Variants in STXBP4 observed in about 807,000 individuals in gnomAD.
STXBP4 encodes the protein syntaxin binding protein 4, also known as syntaxin-binding protein 4.
A neutral mutation model predicts 76.1 loss-of-function variants in STXBP4; 55 were observed. The ratio of observed to expected loss-of-function variants is 0.72; its 90% CI spans 0.58 to 0.91. The LOEUF (loss-of-function observed/expected upper bound fraction) is 0.91. Ranked by LOEUF, STXBP4 falls within the 40% of genes least tolerant of loss-of-function variation. STXBP4 has a pLI of 0.00. For synonymous variants in STXBP4, 201 were observed against 220.2 expected (o/e 0.91, Z 0.77); for missense variants, 618 against 636.9 (o/e 0.97, Z 0.32).
intron 8 of STXBP4, among the ~76,000 whole-genome samples, chr17:55,019,550 A>G (rs536452165): frequency 7.6e-4 from 115 of 152,278 alleles, no homozygotes; most frequent in African/African-American, 2.6e-3. Context: ...TTAGCTTTAT[A>G]AATTATGAAT....
rs540382766 is a variant in STXBP4, at chr17:54,992,535, T to C, written c.180+1578T>C. On this transcript the variant is annotated intron_variant, in intron 4 of 17. Transcript: ENST00000376352. Reference sequence around the variant, plus strand: ...AAACAAATTCAAAAAAACAAAAAAATGAATTTTTTCTTCCAAGAATTGAGG... The same window carrying C: ...AAACAAATTCAAAAAAACAAAAAAACGAATTTTTTCTTCCAAGAATTGAGG... Among the ~76,000 whole-genome samples, 19 of 151,590 alleles carry C rather than the reference T, an allele frequency of 1.3e-4. No homozygotes were observed. In the South Asian group the frequency reaches 3.8e-3, roughly 30 times the overall value.
intron 16 of STXBP4, among the ~76,000 whole-genome samples, chr17:55,103,918 GCTCT>G (rs1346189042): frequency 2.0e-5 from 3 of 152,084 alleles, no homozygotes; most frequent in South Asian, 4.1e-4. Context: ...TTACGTTGCA[GCTCT>G]CTGTTTGTCT....
the STXBP4 span, among the ~76,000 whole-genome samples, chr17:55,197,613 T>C: frequency 6.6e-6 from 1 of 152,014 alleles, no homozygotes; most frequent in Non-Finnish European, 1.5e-5. Flanking sequence ...CGTGGTGGCA[T>C]GCACCTGTAG....
intron 1 of STXBP4, among the ~76,000 whole-genome samples, chr17:54,980,661 A>G (rs2077537671): frequency 6.6e-6 from 1 of 152,194 alleles, no homozygotes; most frequent in Admixed American, 6.5e-5. Context: ...TTCATCTGCC[A>G]TGCAGTGCAA....
chr17:55,001,479 G>A (rs983560216), intron 7 of STXBP4, among the ~76,000 whole-genome samples: 6 of 151,664 alleles, frequency 4.0e-5, no homozygotes, highest in East Asian at 1.9e-4. Flanking sequence ...GGATCAATAC[G>A]AAGAAAAAAA....
At chr17:55,072,681 A>G (rs1025793631) in intron 12 of STXBP4, among the ~76,000 whole-genome samples, 4 of 152,206 alleles carry the variant, frequency 2.6e-5, no homozygotes, top group African/African-American at 9.7e-5. Context: ...TATGAAGTCA[A>G]GAGATTCCAT....
At chr17:55,097,527 G>A (rs935170448) in intron 16 of STXBP4, among the ~76,000 whole-genome samples, 6 of 152,090 alleles carry the variant, frequency 3.9e-5, no homozygotes, top group Non-Finnish European at 7.4e-5. Context: ...GCTGGGCGTG[G>A]TGGCGGGTGC....
intron 16 of STXBP4, among the ~76,000 whole-genome samples, chr17:55,114,720 A>G (rs1380629207): frequency 6.6e-6 from 1 of 151,986 alleles, no homozygotes; most frequent in African/African-American, 2.4e-5. Context: ...GTCATTGTCA[A>G]GTAGCATCAA....
chr17:55,155,095 C>A (rs141581823), intron 17 of STXBP4, among the ~76,000 whole-genome samples: 1 of 152,018 alleles, frequency 6.6e-6, no homozygotes, highest in Non-Finnish European at 1.5e-5. Context: ...TTGATTTTAG[C>A]GGCATATTTC....
intron 12 of STXBP4, among the ~76,000 whole-genome samples, chr17:55,060,556 A>G (rs1178160624): frequency 6.6e-6 from 1 of 152,138 alleles, no homozygotes; most frequent in Non-Finnish European, 1.5e-5. Flanking sequence ...TATTAAAACA[A>G]GCTGTGAAGG....
At chr17:55,077,357 GAT>G (rs972048352) in intron 13 of STXBP4, among the ~76,000 whole-genome samples, 1 of 152,122 alleles carries the variant, frequency 6.6e-6, no homozygotes, top group Non-Finnish European at 1.5e-5. Flanking sequence ...AGGCCACACA[GAT>G]AATGTAAATT....
the STXBP4 span, among the ~76,000 whole-genome samples, chr17:55,184,326 T>C: frequency 1.3e-5 from 2 of 152,194 alleles, no homozygotes; most frequent in Non-Finnish European, 2.9e-5. Flanking sequence ...TTTTAAAAAG[T>C]TATTATCATA....
At chr17:54,988,502 G>A (rs561550692) in intron 3 of STXBP4, among the ~76,000 whole-genome samples, 1 of 152,178 alleles carries the variant, frequency 6.6e-6, no homozygotes, top group Non-Finnish European at 1.5e-5. Flanking sequence ...GGCCAGGGGC[G>A]GTGCCTCATG....
chr17:55,189,796 A>G, the STXBP4 span, among the ~76,000 whole-genome samples: 1 of 152,220 alleles, frequency 6.6e-6, no homozygotes. Context: ...TGTGCTACCC[A>G]GGTGGTGTGA....
chr17:55,068,998 A>G (rs1288579729), intron 12 of STXBP4, among the ~76,000 whole-genome samples: 2 of 152,088 alleles, frequency 1.3e-5, no homozygotes, highest in Non-Finnish European at 2.9e-5. Context: ...AAAAGTCCAA[A>G]GTATTGGTAG....
At chr17:55,107,830 G>A (rs2079654957) in intron 16 of STXBP4, among the ~76,000 whole-genome samples, 1 of 152,224 alleles carries the variant, frequency 6.6e-6, no homozygotes, top group Non-Finnish European at 1.5e-5. Context: ...GCCAGCAGGA[G>A]CTCTCCTGTA....
intron 4 of STXBP4, among the ~76,000 whole-genome samples, chr17:54,995,188 C>T (rs2077780237): frequency 6.6e-6 from 1 of 152,114 alleles, no homozygotes; most frequent in South Asian, 2.1e-4. Context: ...AATGAACGGT[C>T]CCGTAGTCAT....
intron 3 of STXBP4, among the ~76,000 whole-genome samples, chr17:54,988,002 T>C (rs919820773): frequency 6.6e-5 from 10 of 152,164 alleles, no homozygotes; most frequent in African/African-American, 2.2e-4. Flanking sequence ...GAGTATATAA[T>C]CTAAAATTTT....
chr17:54,985,902 A>G (rs1317515545), intron 2 of STXBP4, among the ~76,000 whole-genome samples: 1 of 152,196 alleles, frequency 6.6e-6, no homozygotes, highest in Non-Finnish European at 1.5e-5. Context: ...TTATATAGAT[A>G]TGGATATTCA....
Sources: gnomAD v4.1 joint callset for allele counts (sites outside exome capture counted in the v4.1 genomes callset) on GRCh38, gnomAD v4.1.1 for gene constraint, MANE v1.5 for transcripts, NCBI Gene and HGNC (gene_info 2026-07-23, HGNC 2026-07-21) for gene names.